Variants in ECHDC2 observed in about 807,000 individuals in gnomAD.
ECHDC2 encodes the protein enoyl-CoA hydratase domain containing 2.
In ECHDC2, 34 loss-of-function variants were observed where a neutral mutation model predicts 40.6. The observed-to-expected ratio is 0.84, with a 90% CI of 0.64 to 1.11. ECHDC2 has a LOEUF of 1.11. ECHDC2 is among the 50% of genes most tolerant of loss of function. The pLI is 0.00. For missense variants in ECHDC2, 392 were observed against 400.7 expected (o/e 0.98, Z 0.19); for synonymous variants, 162 against 166.6 (o/e 0.97, Z 0.21).
intron 1 of ECHDC2, among the ~76,000 whole-genome samples, chr1:52,917,180 C>T (rs1650879461): frequency 6.6e-6 from 1 of 151,454 alleles, no homozygotes; most frequent in African/African-American, 2.4e-5. Flanking sequence ...CGAGATCACG[C>T]CACTGCACTC....
At chr1:52,903,827 T>A (rs1183547462) in intron 7 of ECHDC2, among the ~76,000 whole-genome samples, 1 of 151,074 alleles carries the variant, frequency 6.6e-6, no homozygotes, top group Non-Finnish European at 1.5e-5. Flanking sequence ...CTTTCTTTTT[T>A]TTTTTTTTTT....
rs781007860 is a variant in ECHDC2, at chr1:52,906,608, G to C, written c.368C>G (p.Ala123Gly). ...AGCCGCAATGGTGGGTGCAGGGAAG[G>C]CTGCTGTGGAGAGGAAGAAAGGCTC... ...RLRGLMNDIA[A>G]FPAPTIAAMD... is the part of the protein sequence containing the mutation. Residue 123 changes from alanine (A) to glycine (G), a missense_variant, in exon 5 of 10, where the codon GCC becomes GGC. Transcript: ENST00000371522. 2 of 1,607,926 alleles carry C rather than the reference G, an allele frequency of 1.2e-6. No homozygotes were observed. Among genetic ancestry groups the C allele is most frequent in the South Asian group, 2.2e-5 (2 of 90,412 alleles).
intron 7 of ECHDC2, chr1:52,900,421 TGAAG>T (rs1646917142): frequency 6.6e-6 from 1 of 152,208 alleles, no homozygotes; most frequent in South Asian, 2.1e-4. Flanking sequence ...TTATATAAAA[TGAAG>T]GTTTTGTTTT....
At chr1:52,920,918 G>C (rs1297466616) in intron 1 of ECHDC2, among the ~76,000 whole-genome samples, 1 of 152,266 alleles carries the variant, frequency 6.6e-6, no homozygotes, top group Non-Finnish European at 1.5e-5. Flanking sequence ...GAATGCTCCA[G>C]AAGTTCAAAC....
intron 8 of ECHDC2, 82 bp downstream of exon 8, chr1:52,899,092 G>C: frequency 1.4e-6 from 2 of 1,420,366 alleles, no homozygotes; most frequent in Non-Finnish European, 2.0e-6. Context: ...TTTCCCAGCT[G>C]TGCTGTCTGA....
chr1:52,896,093 T>A lies in ECHDC2; in HGVS notation c.*427A>T, dbSNP rs1311353011. 1 of 174,592 alleles carries A rather than the reference T, an allele frequency of 5.7e-6. No individual in the cohort carries two copies. The highest frequency in any genetic ancestry group is 2.4e-5 in the African/African-American group (1 of 42,466). 10.8% of individuals were successfully genotyped at this position (174,592 alleles called of 1,614,324 possible). A position where few individuals can be genotyped will look rare whatever the true frequency, so the allele number is the denominator to read the frequency against. On this transcript the variant is annotated 3_prime_UTR_variant, in exon 10 of 10. Transcript: ENST00000371522. ...TGACCCCTGACACATGTTCAACCGA[T>A]GTCAGAGTTTATTTATTACCTCTGT...
intron 3 of ECHDC2, among the ~76,000 whole-genome samples, chr1:52,909,541 C>G (rs1427127464): frequency 8.7e-6 from 1 of 115,124 alleles, no homozygotes; most frequent in South Asian, 2.8e-4. Context: ...AAAAAAAAAA[C>G]ACCACACAAA....
chr1:52,907,747 C>G, intron 4 of ECHDC2, 121 bp downstream of exon 4: 1 of 843,962 alleles, frequency 1.2e-6, no homozygotes, highest in Non-Finnish European at 1.9e-6. Context: ...GGTGAGTCAT[C>G]TGTCTTATCA....
At chr1:52,912,336 T>C (rs1649742887) in intron 1 of ECHDC2, 1 of 154,348 alleles carries the variant, frequency 6.5e-6, no homozygotes, top group Non-Finnish European at 1.4e-5. Flanking sequence ...ACCCCCAAAA[T>C]AGCTGGGACT....
chr1:52,901,453 A>G (rs570168564), intron 7 of ECHDC2: 2 of 152,358 alleles, frequency 1.3e-5, no homozygotes, highest in South Asian at 4.1e-4. Flanking sequence ...TCAAAGTGTA[A>G]TGTGTATTTA....
intron 8 of ECHDC2, 113 bp from the exon 9 acceptor site, chr1:52,897,597 A>T: frequency 9.8e-7 from 1 of 1,019,068 alleles, no homozygotes; most frequent in Non-Finnish European, 1.6e-6. Context: ...GATAGCTATG[A>T]GAAGGAATTT....
rs578258274 is a variant in ECHDC2 at position 52,902,801 on chromosome 1, T to G, written c.702+1845A>C. 2.6e-5 allele frequency among the ~76,000 whole-genome samples: 4 copies of G among 152,250 alleles called. No individual in the cohort carries two copies. The South Asian group carries it at 8.3e-4, about 32-fold the overall frequency. On this transcript the variant is annotated intron_variant, in intron 7 of 9. Transcript: ENST00000371522. ...CAAAATAAATGCCAAAATACCGGTG[T>G]TGTTTTTTTTTCTAATACTACAATC...
At chr1:52,897,297 G>C (rs952138981) in intron 9 of ECHDC2, 140 bp downstream of exon 9, 1 of 864,640 alleles carries the variant, frequency 1.2e-6, no homozygotes, top group East Asian at 2.4e-5. Context: ...GCCACTCCAG[G>C]TGACTTATGA....
At chr1:52,904,546 T>C in intron 7 of ECHDC2, 100 bp downstream of exon 7, 1 of 1,093,362 alleles carries the variant, frequency 9.1e-7, no homozygotes. Flanking sequence ...TAATCATATG[T>C]CTCTGGGAGA....
At chr1:52,902,728 T>C (rs1053088754) in intron 7 of ECHDC2, among the ~76,000 whole-genome samples, 1 of 152,254 alleles carries the variant, frequency 6.6e-6, no homozygotes, top group South Asian at 2.1e-4. Flanking sequence ...ATTTTGTACA[T>C]ATTTTGCTCT....
At chr1:52,902,973 A>ATAAAT (rs2150042598) in intron 7 of ECHDC2, among the ~76,000 whole-genome samples, 1 of 152,340 alleles carries the variant, frequency 6.6e-6, no homozygotes, top group South Asian at 2.1e-4. Context: ...CAAATTTATT[A>ATAAAT]TAAATTAGTC....
intron 8 of ECHDC2, 163 bp from the exon 9 acceptor site, chr1:52,897,647 ACTG>A (rs776934175): frequency 9.9e-5 from 70 of 706,588 alleles, no homozygotes; most frequent in Non-Finnish European, 1.5e-4. Context: ...CTATGACAAA[ACTG>A]CTGGGAGAAA....
At chr1:52,899,344 C>T in intron 7 of ECHDC2, 120 bp from the exon 8 acceptor site, 1 of 897,206 alleles carries the variant, frequency 1.1e-6, no homozygotes, top group Non-Finnish European at 1.7e-6. Context: ...TCCAGCCATT[C>T]TGCTGACAGT....
At chr1:52,898,507 C>T (rs1417971663) in intron 8 of ECHDC2, 2 of 153,896 alleles carry the variant, frequency 1.3e-5, no homozygotes, top group African/African-American at 4.8e-5. Context: ...GCATGAGCCA[C>T]CGCGCCTGAC....
Sources: allele counts gnomAD v4.1 joint callset (sites outside exome capture counted in the v4.1 genomes callset), GRCh38; gene constraint gnomAD v4.1.1; transcripts MANE v1.5; gene names NCBI Gene and HGNC (gene_info 2026-07-23, HGNC 2026-07-21).